The following MAGED1 variants were observed in gnomAD, a reference collection of about 807,000 sequenced individuals.
MAGED1 encodes the protein MAGE family member D1, also known as melanoma-associated antigen D1.
Under a neutral mutation model 54.1 loss-of-function variants are expected in MAGED1, and 3 were observed. The ratio of observed to expected loss-of-function variants is 0.06; its 90% CI spans 0.03 to 0.14. MAGED1 has a LOEUF of 0.14. Ranked by LOEUF, MAGED1 falls within the 10% of genes least tolerant of loss-of-function variation. MAGED1 has a pLI of 1.00. For missense variants in MAGED1, 485 were observed against 623.4 expected (o/e 0.78, Z 2.36); for synonymous variants, 217 against 227.3 (o/e 0.95, Z 0.41).
At chrX:51,803,724 CTT>C (rs10576124) in intron 1 of MAGED1, among the ~76,000 whole-genome samples, 13,042 of 81,310 alleles carry the variant, frequency 0.16, 863 homozygotes, top group Middle Eastern at 0.22. Flanking sequence ...AAATGATGTT[CTT>C]TTTTTTTTTT....
At chrX:51,901,147 C>T (rs1484388683) in intron 11 of MAGED1, among the ~76,000 whole-genome samples, 1 of 111,747 alleles carries the variant, frequency 8.9e-6, no homozygotes, top group South Asian at 3.7e-4. Context: ...TAACTATAGT[C>T]GTCATGCTAT....
At chrX:51,878,055 A>G (rs1208209138) in intron 1 of MAGED1, among the ~76,000 whole-genome samples, 2 of 111,604 alleles carry the variant, frequency 1.8e-5, no homozygotes, top group African/African-American at 6.5e-5. Context: ...GAGCATTCAG[A>G]TATGTCTTGA....
At chrX:51,848,042 A>G (rs1412578043) in intron 1 of MAGED1, among the ~76,000 whole-genome samples, 1 of 111,753 alleles carries the variant, frequency 8.9e-6, no homozygotes, top group Non-Finnish European at 1.9e-5. Flanking sequence ...CTATATTTTC[A>G]GCACTTTGTA....
chrX:51,887,669 A>G (rs782496256), intron 1 of MAGED1, among the ~76,000 whole-genome samples: 4 of 109,412 alleles, frequency 3.7e-5, no homozygotes, highest in Non-Finnish European at 7.6e-5. Flanking sequence ...CCGCTGCCAA[A>G]TGAACTTCAG....
At chrX:51,803,760 C>A in intron 1 of MAGED1, among the ~76,000 whole-genome samples, 1 of 93,564 alleles carries the variant, frequency 1.1e-5, no homozygotes, top group Admixed American at 1.3e-4. Context: ...AACAAAATTA[C>A]ACATCATTTA....
In MAGED1 at chrX:51,901,820, C is replaced by T. The variant is rs1557365011; in HGVS notation, c.2227C>T (p.Arg743Cys). 8.3e-7 allele frequency: 1 copy of T among 1,211,407 alleles called. No homozygotes were observed. Reference sequence around the variant, plus strand: ...CTGGGCCAGATACCACCAGAATGCCCGCTCCAGATTCCCTCAGACCTTTGC... The same window carrying T: ...CTGGGCCAGATACCACCAGAATGCCTGCTCCAGATTCCCTCAGACCTTTGC... ...TFWARYHQNA[R>C]SRFPQTFAGP... The change falls in exon 12 of 13, where the codon CGC becomes TGC. Residue 743 changes from arginine to cysteine, a missense_variant. By Grantham distance (180) the Arg-to-Cys change is radical. Around this residue, in one of 2 missense-constraint regions of MAGED1, gnomAD observed 186 missense variants for 330.3 expected, o/e 0.56. Coordinates refer to ENST00000326587, the MANE Select transcript of MAGED1 (RefSeq NM_006986.4).
intron 1 of MAGED1, among the ~76,000 whole-genome samples, chrX:51,883,321 T>G (rs1201701928): frequency 1.8e-5 from 2 of 111,121 alleles, no homozygotes; most frequent in East Asian, 5.7e-4. Flanking sequence ...ATGATACCTG[T>G]CTATCAGTGG....
chrX:51,808,759 A>G (rs1387941496), intron 1 of MAGED1, among the ~76,000 whole-genome samples: 1 of 112,030 alleles, frequency 8.9e-6, no homozygotes, highest in African/African-American at 3.2e-5. Context: ...CCCAGCTTCA[A>G]TAATTAACAA....
chrX:51,856,796 A>G (rs1214163305), intron 1 of MAGED1, among the ~76,000 whole-genome samples: 7 of 111,773 alleles, frequency 6.3e-5, no homozygotes, highest in Non-Finnish European at 1.3e-4. Flanking sequence ...TTCCTTACGC[A>G]GGGAAATTTG....
At chrX:51,818,121 A>G (rs781968168) in intron 1 of MAGED1, among the ~76,000 whole-genome samples, 4 of 111,494 alleles carry the variant, frequency 3.6e-5, no homozygotes, top group Non-Finnish European at 7.5e-5. Context: ...CAACTTCCTC[A>G]TTTCTCCCTC....
At chrX:51,819,388 A>C (rs1925543999) in intron 1 of MAGED1, among the ~76,000 whole-genome samples, 1 of 109,666 alleles carries the variant, frequency 9.1e-6, no homozygotes, top group Admixed American at 9.8e-5. Flanking sequence ...GACCTTCTCC[A>C]CCAAGAAAAT....
In MAGED1 at chrX:51,895,238, C is replaced by T; in HGVS notation, c.231C>T (p.Ala77=). 2 of 1,211,686 alleles carry T rather than the reference C, an allele frequency of 1.7e-6. No homozygotes were observed. Among genetic ancestry groups the T allele is most frequent in the Non-Finnish European group, 2.2e-6 (2 of 895,443 alleles). ...CAGCTGCCGCTAGGCCTAAGTCAGCCTTTAAAGTCCAGAATGCCACCACAA... is the reference window on the plus strand; with the variant it reads ...CAGCTGCCGCTAGGCCTAAGTCAGCTTTTAAAGTCCAGAATGCCACCACAA... ...VSAAAARPKS[A]FKVQNATTKG... is the part of the protein sequence containing the mutation. The change falls in exon 3 of 13, where the codon GCC becomes GCT. Residue 77 remains alanine, a synonymous_variant. Coordinates refer to ENST00000326587, the MANE Select transcript of MAGED1 (RefSeq NM_006986.4).
intron 1 of MAGED1, among the ~76,000 whole-genome samples, chrX:51,828,065 A>G (rs1004017630): frequency 8.9e-6 from 1 of 112,141 alleles, no homozygotes; most frequent in Non-Finnish European, 1.9e-5. Flanking sequence ...AATGCTTGCT[A>G]AAATTTTGAT....
At chrX:51,892,956 G>GTA (rs1409044421), upstream of MAGED1, among the ~76,000 whole-genome samples, 1 of 111,023 alleles carries the variant, frequency 9.0e-6, no homozygotes, top group Non-Finnish European at 1.9e-5. Context: ...CTGCTGTGAT[G>GTA]TACAAGCTGT....
intron 1 of MAGED1, among the ~76,000 whole-genome samples, chrX:51,803,375 A>C (rs1924918737): frequency 9.3e-6 from 1 of 107,731 alleles, no homozygotes; most frequent in South Asian, 4.2e-4. Flanking sequence ...GTCATGCTTC[A>C]CCTCTCCTCT....
chrX:51,814,261 T>TGCTGCTGCTGCCGCTGCC (rs1318991645), intron 1 of MAGED1, among the ~76,000 whole-genome samples: 4 of 111,922 alleles, frequency 3.6e-5, no homozygotes, highest in African/African-American at 6.5e-5. Flanking sequence ...TGGCTGTTGC[T>TGCTGCTGCTGCCGCTGCC]GCTGCTGCTG....
At chrX:51,822,036 G>C (rs1486656489) in intron 1 of MAGED1, among the ~76,000 whole-genome samples, 2 of 111,505 alleles carry the variant, frequency 1.8e-5, no homozygotes, top group African/African-American at 6.5e-5. Flanking sequence ...TTGGTCTGTA[G>C]GTTTCTTTTC....
At chrX:51,880,890 C>CAGA (rs1928029564) in intron 1 of MAGED1, among the ~76,000 whole-genome samples, 5 of 111,323 alleles carry the variant, frequency 4.5e-5, no homozygotes, top group African/African-American at 1.6e-4. Flanking sequence ...TTCCTCTACT[C>CAGA]CCTCCTTCCT....
chrX:51,889,717 GCC>G (rs1253274540), upstream of MAGED1, among the ~76,000 whole-genome samples: 1 of 108,146 alleles, frequency 9.2e-6, no homozygotes, highest in Non-Finnish European at 1.9e-5. Context: ...CCGGATGTTA[GCC>G]CTGCCACTAA....
Sources: gnomAD v4.1 joint callset for allele counts (sites outside exome capture counted in the v4.1 genomes callset) on GRCh38, gnomAD v4.1.1 for gene constraint, gnomAD v4.1.1 regional missense constraint, MANE v1.5 for transcripts, NCBI Gene and HGNC (gene_info 2026-07-23, HGNC 2026-07-21) for gene names.